Variants in MACROD1 observed in about 807,000 individuals in gnomAD.
The protein encoded by MACROD1 is mono-ADP ribosylhydrolase 1, also known as ADP-ribose glycohydrolase MACROD1.
MACROD1 carries 31 observed loss-of-function variants against 41.4 expected under a neutral mutation model. The observed-to-expected ratio is 0.75, with a 90% confidence interval of 0.56 to 1.01. The LOEUF (loss-of-function observed/expected upper bound fraction) is 1.01, where lower values mean the gene tolerates loss of function less well. MACROD1 is among the 50% of genes least tolerant of loss of function. The pLI, the probability that MACROD1 is intolerant of heterozygous loss-of-function variation, is 0.00. For missense variants in MACROD1, 473 were observed against 460.0 expected (o/e 1.03, Z -0.26); for synonymous variants, 252 against 203.4 (o/e 1.24, Z -2.03).
chr11:64,052,932 C>T (rs1943720562), intron 3 of MACROD1, among the ~76,000 whole-genome samples: 1 of 152,210 alleles, frequency 6.6e-6, no homozygotes, highest in South Asian at 2.1e-4. Flanking sequence ...CCAGGCTTGG[C>T]CTCACGGTCA....
At chr11:64,159,638 T>C (rs1251507636) in intron 1 of MACROD1, among the ~76,000 whole-genome samples, 1 of 151,592 alleles carries the variant, frequency 6.6e-6, no homozygotes, top group Non-Finnish European at 1.5e-5. Context: ...CTACTAAAAA[T>C]ACAAAATTAG....
intron 3 of MACROD1, among the ~76,000 whole-genome samples, chr11:64,143,753 TACACACACACACACACACACACACAC>T (rs55995667): frequency 3.9e-5 from 4 of 101,614 alleles, no homozygotes; most frequent in Non-Finnish European, 5.7e-5. Context: ...GACACACACA[TACACACACACACACACACACACACAC>T]ACACACACAC....
intron 1 of MACROD1, among the ~76,000 whole-genome samples, chr11:64,162,383 C>G (rs2134735690): frequency 6.6e-6 from 1 of 152,142 alleles, no homozygotes; most frequent in East Asian, 1.9e-4. Flanking sequence ...CGCGCCTGTA[C>G]TTCCAACTAC....
At chr11:64,002,946 C>G (rs528800738) in intron 4 of MACROD1, among the ~76,000 whole-genome samples, 1 of 152,162 alleles carries the variant, frequency 6.6e-6, no homozygotes, top group African/African-American at 2.4e-5. Flanking sequence ...AGGAGCTGAC[C>G]AACCCTTAGT....
rs749196542 is a variant in MACROD1, at chr11:64,150,203, G to A, written c.517+1036C>T. Among the ~76,000 whole-genome samples, 7 of 152,272 alleles carry A rather than the reference G, an allele frequency of 4.6e-5. No individual in the cohort carries two copies. The South Asian group carries it at 8.3e-4, about 18-fold the overall frequency. On this transcript the variant is annotated intron_variant, in intron 3 of 10. Transcript: ENST00000255681. The stretch of plus-strand genomic sequence containing the variant: ...GGCGGCCGAGTGAACTCCCCTCTCC[G>A]GATCCTAGAGCCTGTCACTCACAGA...
At chr11:64,086,247 C>T (rs1180512575) in intron 3 of MACROD1, among the ~76,000 whole-genome samples, 3 of 152,134 alleles carry the variant, frequency 2.0e-5, no homozygotes, top group Admixed American at 6.5e-5. Context: ...GTCTTGCATT[C>T]GGGGCCAGAG....
At chr11:64,021,013 G>A (rs974099719) in intron 3 of MACROD1, among the ~76,000 whole-genome samples, 3 of 152,106 alleles carry the variant, frequency 2.0e-5, no homozygotes, top group African/African-American at 4.8e-5. Context: ...CACGGCGCCC[G>A]GCCCCCAGGT....
chr11:64,038,861 A>G (rs1453936139), intron 3 of MACROD1, among the ~76,000 whole-genome samples: 6 of 152,274 alleles, frequency 3.9e-5, no homozygotes, highest in African/African-American at 1.4e-4. Flanking sequence ...CTGGCCTGCT[A>G]ACCTTCGGCA....
Position 64,152,363 on chromosome 11 carries a change from C to A in MACROD1, c.329G>T (p.Arg110Leu). 1 of 1,614,252 alleles carries A rather than the reference C, an allele frequency of 6.2e-7. No homozygotes were observed. Residue 110 changes from arginine (R) to leucine (L), a missense_variant, in exon 2 of 11, where the codon CGG becomes CTG. By Grantham distance (102) the Arg-to-Leu change is moderately radical. Transcript: ENST00000255681. ...GTCCTTGCAGAAGTAATGTTCCTCCCGCTGCTTGTCACTCAGGCCCTTCAG... is the reference window on the plus strand; with the variant it reads ...GTCCTTGCAGAAGTAATGTTCCTCCAGCTGCTTGTCACTCAGGCCCTTCAG... ...SFLKGLSDKQ[R>L]EEHYFCKDFV...
At chr11:64,044,228 G>A (rs917676247) in intron 3 of MACROD1, among the ~76,000 whole-genome samples, 1 of 151,722 alleles carries the variant, frequency 6.6e-6, no homozygotes, top group Non-Finnish European at 1.5e-5. Context: ...TATGTACCTG[G>A]TGGTTGGCAG....
intron 3 of MACROD1, chr11:64,117,820 C>G (rs747209239): frequency 6.2e-7 from 1 of 1,614,210 alleles, no homozygotes; most frequent in Non-Finnish European, 8.5e-7. Flanking sequence ...GCCTACGTAG[C>G]TGATGAGACA....
intron 3 of MACROD1, among the ~76,000 whole-genome samples, chr11:64,016,012 G>A (rs1198508190): frequency 6.6e-6 from 1 of 152,182 alleles, no homozygotes; most frequent in African/African-American, 2.4e-5. Flanking sequence ...CAATGGAGAG[G>A]GGTCCTCAAC....
rs1285935839 is a variant in MACROD1, at chr11:64,101,194, G to C, written c.517+50045C>G. Among the ~76,000 whole-genome samples the C allele has an allele frequency of 3.9e-5, 6 of 152,164 alleles. No homozygotes were observed. In the East Asian group the frequency reaches 1.2e-3, roughly 29 times the overall value. ...TCTTACAGAAGGGGAACAGTACAGT[G>C]AAGGGCCAGGCTGGAGCCAGCTCAG... On this transcript the variant is annotated intron_variant, in intron 3 of 10. Coordinates refer to ENST00000255681, the MANE Select transcript of MACROD1 (RefSeq NM_014067.4).
chr11:64,016,872 A>G (rs944329772), intron 3 of MACROD1, among the ~76,000 whole-genome samples: 2 of 152,118 alleles, frequency 1.3e-5, no homozygotes, highest in Admixed American at 6.5e-5. Flanking sequence ...ACGGACCACA[A>G]TGGGGTGCCC....
At chr11:64,089,248 G>C (rs2134516725) in intron 3 of MACROD1, among the ~76,000 whole-genome samples, 1 of 152,306 alleles carries the variant, frequency 6.6e-6, no homozygotes, top group East Asian at 1.9e-4. Context: ...CCCGGGCTCT[G>C]GGTGGGGGAG....
intron 3 of MACROD1, among the ~76,000 whole-genome samples, chr11:64,135,084 A>G (rs1027506472): frequency 6.6e-6 from 1 of 152,228 alleles, no homozygotes; most frequent in Non-Finnish European, 1.5e-5. Flanking sequence ...CCTGACTGGT[A>G]AAACCCAGAG....
chr11:64,132,457 G>T (rs1796230681), intron 3 of MACROD1, among the ~76,000 whole-genome samples: 1 of 151,774 alleles, frequency 6.6e-6, no homozygotes, highest in Non-Finnish European at 1.5e-5. Context: ...AGGGGAAAGG[G>T]ATTGAAGTCC....
At chr11:64,005,415 G>A (rs1293442866) in intron 4 of MACROD1, among the ~76,000 whole-genome samples, 1 of 152,284 alleles carries the variant, frequency 6.6e-6, no homozygotes, top group East Asian at 1.9e-4. Context: ...ACAGCAAAGT[G>A]TAAGGCCTTG....
intron 3 of MACROD1, among the ~76,000 whole-genome samples, chr11:64,056,255 T>C (rs537250423): frequency 6.6e-6 from 1 of 152,190 alleles, no homozygotes; most frequent in Non-Finnish European, 1.5e-5. Flanking sequence ...TGGGAGAGGC[T>C]GAGGGAGCTA....
Sources: allele counts gnomAD v4.1 joint callset (sites outside exome capture counted in the v4.1 genomes callset), GRCh38; gene constraint gnomAD v4.1.1; transcripts MANE v1.5; gene names NCBI Gene and HGNC (gene_info 2026-07-23, HGNC 2026-07-21).